The following LMBRD1 variants were observed in gnomAD, a reference collection of about 807,000 sequenced individuals.
The protein encoded by LMBRD1 is LMBR1 domain containing 1.
In LMBRD1, 64 loss-of-function variants were observed where a neutral mutation model predicts 74.8. The observed-to-expected ratio is 0.86, with a 90% confidence interval of 0.70 to 1.05. LMBRD1 has a LOEUF of 1.05. Among genes scored for constraint, LMBRD1 ranks in the 50% least tolerant of loss-of-function variants. LMBRD1 has a pLI of 0.00. For synonymous variants in LMBRD1, 204 were observed against 216.3 expected (o/e 0.94, Z 0.50); for missense variants, 652 against 645.9 (o/e 1.01, Z -0.10).
intron 9 of LMBRD1, among the ~76,000 whole-genome samples, chr6:69,703,971 G>T (rs918129739): frequency 3.3e-5 from 5 of 152,000 alleles, no homozygotes; most frequent in Admixed American, 1.3e-4. Flanking sequence ...TCTCAATTTG[G>T]ATTGCCTATT....
intron 14 of LMBRD1, among the ~76,000 whole-genome samples, chr6:69,683,656 A>C (rs1435697571): frequency 6.6e-6 from 1 of 152,094 alleles, no homozygotes; most frequent in African/African-American, 2.4e-5. Context: ...ACCACAAAAA[A>C]AATTTTAACC....
intron 2 of LMBRD1, among the ~76,000 whole-genome samples, chr6:69,788,584 C>A (rs1766011376): frequency 6.8e-6 from 1 of 147,072 alleles, no homozygotes; most frequent in Non-Finnish European, 1.5e-5. Flanking sequence ...CATAATGTTA[C>A]AATCAACCAT....
chr6:69,705,914 C>T (rs950818344), intron 9 of LMBRD1: 9 of 1,263,876 alleles, frequency 7.1e-6, no homozygotes, highest in Admixed American at 1.7e-5. Flanking sequence ...GTTGGCTGTA[C>T]AGACATTTTC....
intron 1 of LMBRD1, among the ~76,000 whole-genome samples, chr6:69,792,051 G>A (rs1017404909): frequency 3.3e-5 from 5 of 152,090 alleles, no homozygotes; most frequent in African/African-American, 1.2e-4. Context: ...TGTAAAAATG[G>A]GTGGCACCAC....
intron 4 of LMBRD1, among the ~76,000 whole-genome samples, chr6:69,751,893 G>T (rs1765166660): frequency 6.6e-6 from 1 of 152,142 alleles, no homozygotes; most frequent in Non-Finnish European, 1.5e-5. Context: ...TTGTATGCCT[G>T]ATCTAGAATT....
In LMBRD1 at chr6:69,675,128, CA is replaced by C. The variant is rs141633462; in HGVS notation, c.*1029del. On this transcript the variant is annotated 3_prime_UTR_variant, in exon 16 of 16. Coordinates refer to ENST00000649934, the MANE Select transcript of LMBRD1 (RefSeq NM_018368.4). Reference sequence around the variant, plus strand: ...AGAATCAGAACAGAGAAAAATGGCACAAAAATTAAGGGAGAGAATAATTAAC... The same window carrying C: ...AGAATCAGAACAGAGAAAAATGGCACAAAATTAAGGGAGAGAATAATTAAC... Among the ~76,000 whole-genome samples, 1,069 of 151,998 alleles carry C rather than the reference CA, an allele frequency of 7.0e-3. 23 individuals are homozygous for C. The East Asian group carries it at 0.079, about 11-fold the overall frequency.
Position 69,715,704 on chromosome 6 carries a change from G to T in LMBRD1, c.763-1907C>A, listed in dbSNP as rs74968777. Among the ~76,000 whole-genome samples the T allele has an allele frequency of 7.1e-3, 1,072 of 151,686 alleles. 23 individuals carry two copies. In the East Asian group the frequency reaches 0.079, roughly 11 times the overall value. On this transcript the variant is annotated intron_variant, in intron 8 of 15. Transcript: ENST00000649934. ...TTTCTATTTACACACACACACACAC[G>T]TACACATATACAAATGTATTTACGA...
chr6:69,765,169 G>T (rs947518781), intron 3 of LMBRD1, among the ~76,000 whole-genome samples: 4 of 152,042 alleles, frequency 2.6e-5, no homozygotes, highest in African/African-American at 9.7e-5. Context: ...GACCTCAAGT[G>T]ATCTGCCAGC....
chr6:69,754,936 G>A (rs964884272), intron 3 of LMBRD1, among the ~76,000 whole-genome samples: 2 of 152,212 alleles, frequency 1.3e-5, no homozygotes, highest in African/African-American at 4.8e-5. Context: ...AACAACAAAT[G>A]CTGGAGAGGA....
intron 4 of LMBRD1, among the ~76,000 whole-genome samples, chr6:69,751,354 C>G (rs1765144522): frequency 6.7e-6 from 1 of 150,076 alleles, no homozygotes; most frequent in South Asian, 2.1e-4. Flanking sequence ...GAGATGGAGT[C>G]TCGCTCTTGT....
chr6:69,735,586 T>C (rs1184815607), intron 7 of LMBRD1, among the ~76,000 whole-genome samples: 1 of 152,206 alleles, frequency 6.6e-6, no homozygotes, highest in East Asian at 1.9e-4. Context: ...CATTTAAATA[T>C]AAAATATTAG....
intron 14 of LMBRD1, among the ~76,000 whole-genome samples, chr6:69,688,468 A>G (rs1417283390): frequency 6.7e-6 from 1 of 149,204 alleles, no homozygotes; most frequent in East Asian, 2.1e-4. Context: ...GTATTGCTTT[A>G]GGAATCTCAG....
At chr6:69,734,110 T>C (rs549468578) in intron 7 of LMBRD1, among the ~76,000 whole-genome samples, 3 of 152,266 alleles carry the variant, frequency 2.0e-5, no homozygotes, top group African/African-American at 7.2e-5. Context: ...TATAATTTTA[T>C]TGTTTATGCT....
chr6:69,761,080 G>T (rs1765362600), intron 3 of LMBRD1, among the ~76,000 whole-genome samples: 1 of 152,206 alleles, frequency 6.6e-6, no homozygotes, highest in Non-Finnish European at 1.5e-5. Flanking sequence ...ACTGCTAAAT[G>T]TTGAGGTAAT....
At chr6:69,763,877 T>C (rs1256104105) in intron 3 of LMBRD1, among the ~76,000 whole-genome samples, 1 of 152,250 alleles carries the variant, frequency 6.6e-6, no homozygotes, top group African/African-American at 2.4e-5. Context: ...CCTTAGAATG[T>C]CTATCCTATA....
At chr6:69,777,463 G>C (rs2149891436) in intron 3 of LMBRD1, among the ~76,000 whole-genome samples, 1 of 145,856 alleles carries the variant, frequency 6.9e-6, no homozygotes, top group East Asian at 2.0e-4. Context: ...AAAAAAAAGA[G>C]GCCCCAGATG....
rs75319795 is a variant in LMBRD1, at chr6:69,744,793, C to A, written c.474-2916G>T. ...CCTACCTACTATTTACATACCACTTCTCCAACCCAACACCCAAAATCCTCT... is the reference window on the plus strand; with the variant it reads ...CCTACCTACTATTTACATACCACTTATCCAACCCAACACCCAAAATCCTCT... On this transcript the variant is annotated intron_variant, in intron 5 of 15. Transcript: ENST00000649934. 9.5e-3 allele frequency among the ~76,000 whole-genome samples: 1,440 copies of A among 152,216 alleles called. 55 individuals are homozygous for A. The highest frequency in any genetic ancestry group is 0.067 in the Admixed American group (1,026 of 15,266).
chr6:69,680,167 G>C (rs942044853), intron 14 of LMBRD1, among the ~76,000 whole-genome samples: 1 of 152,060 alleles, frequency 6.6e-6, no homozygotes, highest in African/African-American at 2.4e-5. Context: ...ATGAAGAGCA[G>C]GGTAGGCTTG....
intron 14 of LMBRD1, among the ~76,000 whole-genome samples, chr6:69,680,165 C>A (rs1364553944): frequency 6.6e-6 from 1 of 151,988 alleles, no homozygotes; most frequent in Non-Finnish European, 1.5e-5. Context: ...AAATGAAGAG[C>A]AGGGTAGGCT....
Sources: gnomAD v4.1 joint callset for allele counts (sites outside exome capture counted in the v4.1 genomes callset) on GRCh38, gnomAD v4.1.1 for gene constraint, MANE v1.5 for transcripts, NCBI Gene and HGNC (gene_info 2026-07-23, HGNC 2026-07-21) for gene names.